The following MYO18B variants were observed in gnomAD, a reference collection of about 807,000 sequenced individuals.
MYO18B encodes unconventional myosin-XVIIIb.
A neutral mutation model predicts 273.0 loss-of-function variants in MYO18B; 204 were observed. The observed-to-expected ratio is 0.75, with a 90% CI of 0.67 to 0.84. The LOEUF (loss-of-function observed/expected upper bound fraction) is 0.84, where lower values mean the gene tolerates loss of function less well. MYO18B is among the 40% of genes least tolerant of loss of function. The pLI, the probability that MYO18B is intolerant of heterozygous loss-of-function variation, is 0.00. For synonymous variants in MYO18B, 1,330 were observed against 1,305.7 expected (o/e 1.02, Z -0.40); for missense variants, 3,212 against 3,287.6 (o/e 0.98, Z 0.56).
chr22:25,863,997 C>G (rs2090815367), intron 21 of MYO18B, among the ~76,000 whole-genome samples: 1 of 152,186 alleles, frequency 6.6e-6, no homozygotes, highest in African/African-American at 2.4e-5. Context: ...CTTAGCTGTG[C>G]CATTGGCCTT....
At chr22:25,865,699 G>A (rs1047613254) in intron 21 of MYO18B, among the ~76,000 whole-genome samples, 1 of 152,108 alleles carries the variant, frequency 6.6e-6, no homozygotes, top group African/African-American at 2.4e-5. Context: ...ATAAAACCAA[G>A]ATCTGAACCC....
chr22:26,010,207 A>G (rs1934787926), intron 42 of MYO18B, among the ~76,000 whole-genome samples: 2 of 152,116 alleles, frequency 1.3e-5, no homozygotes, highest in Admixed American at 1.3e-4. Flanking sequence ...CCTTTAAGTC[A>G]AGCTACCATA....
At chr22:25,745,923 C>T (rs1353506918) in intron 1 of MYO18B, among the ~76,000 whole-genome samples, 4 of 152,118 alleles carry the variant, frequency 2.6e-5, no homozygotes, top group Non-Finnish European at 5.9e-5. Context: ...GTCTCATTCA[C>T]GCTTAATATT....
chr22:25,780,590 C>CAAAAAAAAAAAAAAAAAAAAAAAAAAA, intron 9 of MYO18B, among the ~76,000 whole-genome samples: 1 of 65,218 alleles, frequency 1.5e-5, no homozygotes. Context: ...AACTCCATCT[C>CAAAAAAAAAAAAAAAAAAAAAAAAAAA]AAAAAAAAAA....
At chr22:25,871,515 A>AT (rs2091043681) in intron 22 of MYO18B, among the ~76,000 whole-genome samples, 1 of 152,128 alleles carries the variant, frequency 6.6e-6, no homozygotes. Context: ...TTTTTTTAAA[A>AT]CCTGGGCCTT....
intron 20 of MYO18B, 107 bp from the exon 21 acceptor site, chr22:25,851,363 A>C (rs1163664041): frequency 1.4e-6 from 1 of 713,560 alleles, no homozygotes; most frequent in Non-Finnish European, 2.5e-6. Context: ...GTTAGTAGCC[A>C]GGCTAGGAAG....
chr22:25,782,816 T>C (rs990120722), intron 10 of MYO18B, among the ~76,000 whole-genome samples: 1 of 152,156 alleles, frequency 6.6e-6, no homozygotes, highest in Non-Finnish European at 1.5e-5. Context: ...TCCCAGTTTT[T>C]AGAGTGATTG....
At chr22:25,955,815 C>T (rs1485312699) in intron 39 of MYO18B, among the ~76,000 whole-genome samples, 1 of 152,152 alleles carries the variant, frequency 6.6e-6, no homozygotes, top group Non-Finnish European at 1.5e-5. Flanking sequence ...TGAGGACAAA[C>T]CGAGCCTTCC....
chr22:25,973,342 A>G (rs1191838204), intron 39 of MYO18B, among the ~76,000 whole-genome samples: 2 of 152,182 alleles, frequency 1.3e-5, no homozygotes, highest in East Asian at 3.8e-4. Context: ...TTTTTAGAAC[A>G]TAGAACAATA....
intron 12 of MYO18B, among the ~76,000 whole-genome samples, chr22:25,808,583 G>C (rs542928854): frequency 1.3e-5 from 2 of 152,098 alleles, no homozygotes; most frequent in African/African-American, 4.8e-5. Context: ...TCCTGAGAGC[G>C]CCTCCTCAGC....
At chr22:25,800,400 T>C (rs189393000) in intron 12 of MYO18B, among the ~76,000 whole-genome samples, 3 of 152,366 alleles carry the variant, frequency 2.0e-5, no homozygotes, top group Admixed American at 2.0e-4. Flanking sequence ...CAGGGAACTG[T>C]AATGTCTCTC....
In MYO18B at chr22:25,785,940, TG is replaced by T. The variant is rs1164637039; in HGVS notation, c.2376+450del. ...CTAAATCAATCAATAGGGTGCTCTT[TG>T]TCAGTACTAGTGGTGGTTAACTTGG... On this transcript the variant is annotated intron_variant, in intron 11 of 43. Coordinates refer to ENST00000335473, the MANE Select transcript of MYO18B (RefSeq NM_032608.7). Among the ~76,000 whole-genome samples the T allele has an allele frequency of 5.9e-5, 9 of 152,186 alleles. 1 individual carries two copies. In the East Asian group the frequency reaches 1.7e-3, roughly 29 times the overall value.
At chr22:25,921,212 C>T (rs2092335913) in intron 33 of MYO18B, 45 bp from the exon 34 acceptor site, 1 of 1,523,016 alleles carries the variant, frequency 6.6e-7, no homozygotes, top group South Asian at 1.2e-5. Context: ...AGACCCTGGC[C>T]ACTGCTTTGC....
intron 11 of MYO18B, among the ~76,000 whole-genome samples, chr22:25,789,198 C>A (rs1017370782): frequency 4.6e-5 from 7 of 151,808 alleles, no homozygotes; most frequent in African/African-American, 1.7e-4. Context: ...AGCCTGCTCC[C>A]CAACAGCAAG....
At chr22:25,903,573 G>T in intron 30 of MYO18B, 58 bp from the exon 31 acceptor site, 2 of 1,520,894 alleles carry the variant, frequency 1.3e-6, no homozygotes, top group East Asian at 2.4e-5. Flanking sequence ...GGTATCCCTG[G>T]GGGAGGAGGG....
At chr22:25,812,520 C>T (rs982638279) in intron 12 of MYO18B, among the ~76,000 whole-genome samples, 5 of 152,198 alleles carry the variant, frequency 3.3e-5, no homozygotes, top group Non-Finnish European at 5.9e-5. Context: ...CAGCTTTCTT[C>T]AATTCTTCAA....
chr22:26,040,763 G>C, the MYO18B span, among the ~76,000 whole-genome samples: 1 of 152,180 alleles, frequency 6.6e-6, no homozygotes, highest in Non-Finnish European at 1.5e-5. Context: ...GCGGGTTTGA[G>C]CACCTTTAAG....
Position 25,761,030 on chromosome 22 carries a change from C to A in MYO18B, c.-63C>A, listed in dbSNP as rs370434998. ...TGCGTGTGTCTGTAAAGCCTCATTCCGTGCTGTCTGGCAGGAAGCTCCATC... is the reference window on the plus strand; with the variant it reads ...TGCGTGTGTCTGTAAAGCCTCATTCAGTGCTGTCTGGCAGGAAGCTCCATC... On this transcript the variant is annotated 5_prime_UTR_variant, in exon 2 of 44. Transcript: ENST00000335473. 2 of 1,574,836 alleles carry A rather than the reference C, an allele frequency of 1.3e-6. No homozygotes were observed. The highest frequency in any genetic ancestry group is 1.3e-5 in the African/African-American group (1 of 74,356).
Position 26,027,347 on chromosome 22 carries a change from C to T in MYO18B, c.7373C>T (p.Ala2458Val). The T allele has an allele frequency of 6.2e-7, 1 of 1,613,988 alleles. No individual in the cohort carries two copies. The highest frequency in any genetic ancestry group is 8.5e-7 in the Non-Finnish European group (1 of 1,179,874). Residue 2458 changes from alanine to valine, a missense_variant, in exon 43 of 44, where the codon GCT (alanine) becomes GTT (valine). Physicochemically the swap from Ala to Val is moderately conservative, Grantham distance 64 (BLOSUM62 0). Coordinates refer to ENST00000335473, the MANE Select transcript of MYO18B (RefSeq NM_032608.7). This position sits in a 1 kb window ranked among gnomAD's most constrained non-coding sequence, Gnocchi z 4.1. The stretch of plus-strand genomic sequence containing the variant: ...AAGCCCCAGACACCTACCTCCTTGG[C>T]TGGATCAGCCAAAGGTGGGCAAGAC... ...IRKPQTPTSL[A>V]GSAKGGQDGS...
Sources: allele counts gnomAD v4.1 joint callset (sites outside exome capture counted in the v4.1 genomes callset), GRCh38; gene constraint gnomAD v4.1.1; non-coding constraint Gnocchi (gnomAD v3.1); transcripts MANE v1.5; gene names NCBI Gene and HGNC (gene_info 2026-07-23, HGNC 2026-07-21).